Variants in FGD3 observed in about 807,000 individuals in gnomAD.
FGD3 encodes FYVE, RhoGEF and PH domain-containing protein 3.
Under a neutral mutation model 71.8 loss-of-function variants are expected in FGD3, and 45 were observed. The observed-to-expected ratio is 0.63, with a 90% CI of 0.49 to 0.80. The LOEUF (loss-of-function observed/expected upper bound fraction) is 0.80, where lower values mean the gene tolerates loss of function less well. Ranked by LOEUF, FGD3 falls within the 30% of genes least tolerant of loss-of-function variation. The probability of loss-of-function intolerance (pLI) is 0.00; values close to 1 mark genes in which losing one functional copy is unlikely to be tolerated. For synonymous variants in FGD3, 378 were observed against 392.8 expected, an observed-to-expected ratio of 0.96 and a Z score of 0.44; for missense variants, 844 against 951.5, an observed-to-expected ratio of 0.89 and a Z score of 1.49.
In FGD3 at chr9:92,980,682, G is replaced by A. The variant is rs1418161182; in HGVS notation, c.453+3973G>A. 4.6e-5 allele frequency among the ~76,000 whole-genome samples: 7 copies of A among 151,880 alleles called. No individual in the cohort carries two copies. The East Asian group carries it at 1.4e-3, about 29-fold the overall frequency. On this transcript the variant is annotated intron_variant, in intron 3 of 17. Coordinates refer to ENST00000375482, the MANE Select transcript of FGD3 (RefSeq NM_001083536.2). ...TTATCCATTGGTTGTTTAAGAATGT[G>A]TTGTTTAGGCCAGGTGCGGTGGCTC...
chr9:93,011,934 G>T (rs183052980), intron 8 of FGD3, among the ~76,000 whole-genome samples: 2,005 of 151,710 alleles, frequency 0.013, 48 homozygotes, highest in African/African-American at 0.046. Flanking sequence ...CGAGGCGGGT[G>T]GATCATGAGG....
rs1196636245 is a variant in FGD3, at chr9:92,976,608, C to T, written c.352C>T (p.Pro118Ser). Residue 118 changes from proline to serine, a missense_variant, in exon 3 of 18, where the codon CCG becomes TCG. By Grantham distance (74) the Pro-to-Ser change is moderately conservative. Coordinates refer to ENST00000375482, the MANE Select transcript of FGD3 (RefSeq NM_001083536.2). ...HAEMALDSQV[P>S]KVTPQEEADS... ...AGAGATGGCCCTGGACAGCCAGGTC[C>T]CGAAGGTCACCCCCCAGGAGGAGGC... 2 of 1,612,802 alleles carry T rather than the reference C, an allele frequency of 1.2e-6. No homozygotes were observed. Among genetic ancestry groups the T allele is most frequent in the Non-Finnish European group, 1.7e-6 (2 of 1,179,904 alleles).
intron 1 of FGD3, among the ~76,000 whole-genome samples, chr9:92,970,792 CGTTT>C (rs1564144227): frequency 6.6e-6 from 1 of 152,100 alleles, no homozygotes; most frequent in African/African-American, 2.4e-5. Flanking sequence ...TGCACATGTG[CGTTT>C]GTTTATGCAT....
At chr9:93,016,270 T>A (rs1353306613) in intron 10 of FGD3, among the ~76,000 whole-genome samples, 13 of 151,392 alleles carry the variant, frequency 8.6e-5, no homozygotes, top group Admixed American at 5.9e-4. Flanking sequence ...CTCTTTCCTG[T>A]CCTCCTGCAC....
chr9:92,987,069 T>G (rs1054519630), intron 3 of FGD3, among the ~76,000 whole-genome samples: 1 of 152,184 alleles, frequency 6.6e-6, no homozygotes, highest in Non-Finnish European at 1.5e-5. Flanking sequence ...ACAAGCCATT[T>G]CAGAACACAC....
At chr9:92,988,749 T>G (rs1201435900) in intron 3 of FGD3, among the ~76,000 whole-genome samples, 2 of 152,216 alleles carry the variant, frequency 1.3e-5, no homozygotes, top group Non-Finnish European at 2.9e-5. Context: ...ATTCTTGCCT[T>G]TCCCTGAGGG....
chr9:92,957,047 T>C (rs569234789), intron 1 of FGD3, among the ~76,000 whole-genome samples: 1 of 152,174 alleles, frequency 6.6e-6, no homozygotes, highest in Non-Finnish European at 1.5e-5. Context: ...TATTGCTGGA[T>C]CCTGTTCCAT....
chr9:92,968,610 T>TC (rs1364929112), intron 1 of FGD3, among the ~76,000 whole-genome samples: 1 of 148,856 alleles, frequency 6.7e-6, no homozygotes, highest in African/African-American at 2.5e-5. Context: ...TTTCTTTCTT[T>TC]TTTTTTTTTT....
Position 92,976,286 on chromosome 9 carries a change from T to C in FGD3, c.30T>C (p.Pro10=). The change falls in exon 3 of 18, where the codon CCT becomes CCC. Residue 10 remains proline (P), a synonymous_variant. Coordinates refer to ENST00000375482, the MANE Select transcript of FGD3 (RefSeq NM_001083536.2). MESGRGSST[P]PGPIAALGMP... Reference sequence around the variant, plus strand: ...AGTCAGGCAGGGGGTCCTCAACCCCTCCAGGACCCATTGCTGCCCTAGGGA... The same window carrying C: ...AGTCAGGCAGGGGGTCCTCAACCCCCCCAGGACCCATTGCTGCCCTAGGGA... 1 of 1,607,426 alleles carries C rather than the reference T, an allele frequency of 6.2e-7. No homozygotes were observed. Among genetic ancestry groups the C allele is most frequent in the Non-Finnish European group, 8.5e-7 (1 of 1,176,152 alleles).
chr9:92,969,857 C>T lies in FGD3; in HGVS notation c.-217-5381C>T, dbSNP rs936294656. ...CTCACTGGCTGCTGTGATGGAGACA[C>T]ATGAACAGTTCTAGGACACCCTGGA... On this transcript the variant is annotated intron_variant, in intron 1 of 17. Coordinates refer to ENST00000375482, the MANE Select transcript of FGD3 (RefSeq NM_001083536.2). The surrounding 1 kb of genome is among the most constrained non-coding windows in gnomAD (Gnocchi z 4.5). Among the ~76,000 whole-genome samples the T allele has an allele frequency of 6.6e-6, 1 of 152,202 alleles. No individual in the cohort carries two copies. The highest frequency in any genetic ancestry group is 2.4e-5 in the African/African-American group (1 of 41,442).
rs189715771 is a variant in FGD3 at position 93,018,224 on chromosome 9, C to T, written c.1355+9C>T. ...CTGGAGCTGCAGACGCGGTATGGAA[C>T]GGGCTGTTTCTAGTGAATGTCTTTG... On this transcript the variant is annotated intron_variant, in intron 11 of 17. Transcript: ENST00000375482. 6.5e-5 allele frequency: 105 copies of T among 1,610,978 alleles called. No individual in the cohort carries two copies. Among genetic ancestry groups the T allele is most frequent in the Admixed American group, 1.0e-4 (6 of 59,942 alleles).
chr9:92,989,631 G>A lies in FGD3; in HGVS notation c.453+12922G>A, dbSNP rs2118640402. Among the ~76,000 whole-genome samples the A allele has an allele frequency of 2.6e-5, 4 of 152,336 alleles. No individual in the cohort carries two copies. The Middle Eastern group carries it at 0.01, about 389-fold the overall frequency. On this transcript the variant is annotated intron_variant, in intron 3 of 17. Transcript: ENST00000375482. ...TTAAAGGGGAAAAGTGGGCTGGAGG[G>A]GAGAAAGGGAAGGTATGTTAATCCA...
intron 3 of FGD3, among the ~76,000 whole-genome samples, chr9:92,992,419 T>G (rs1043615588): frequency 6.6e-6 from 1 of 152,256 alleles, no homozygotes; most frequent in Non-Finnish European, 1.5e-5. Flanking sequence ...ACTGGTCTAG[T>G]GGTGATGAAT....
chr9:93,012,872 T>A (rs887576324), intron 8 of FGD3, among the ~76,000 whole-genome samples: 2 of 148,970 alleles, frequency 1.3e-5, no homozygotes, highest in African/African-American at 5.0e-5. Context: ...CACCCAGCCC[T>A]CTTAGTGCAC....
intron 3 of FGD3, among the ~76,000 whole-genome samples, chr9:92,991,338 C>T (rs1283936345): frequency 2.6e-5 from 4 of 152,188 alleles, no homozygotes; most frequent in African/African-American, 9.7e-5. Flanking sequence ...CTTGGCCTCA[C>T]AAAGTGCTGG....
In FGD3 at chr9:93,003,021, C is replaced by T. The variant is rs946474677; in HGVS notation, c.543+7C>T. ...GCTGCACCTGCTGGACCAGGTAGCC[C>T]ACATGGCTTGGGGGCAGTTTCAGTA... On this transcript the variant is annotated splice_region_variant and intron_variant, in intron 4 of 17. Transcript: ENST00000375482. The surrounding 1 kb of genome is among the most constrained non-coding windows in gnomAD (Gnocchi z 4.1). 1 of 1,614,000 alleles carries T rather than the reference C, an allele frequency of 6.2e-7. No homozygotes were observed. Among genetic ancestry groups the T allele is most frequent in the Non-Finnish European group, 8.5e-7 (1 of 1,179,920 alleles).
chr9:93,019,960 C>A, intron 12 of FGD3, 99 bp downstream of exon 12: 1 of 1,266,338 alleles, frequency 7.9e-7, no homozygotes, highest in Non-Finnish European at 1.2e-6. Flanking sequence ...GCCTCCGGGA[C>A]TGCTGGCCCT....
chr9:92,966,018 C>A (rs752178069), intron 1 of FGD3, among the ~76,000 whole-genome samples: 6 of 152,190 alleles, frequency 3.9e-5, no homozygotes, highest in Non-Finnish European at 8.8e-5. Context: ...CACTGTGGTG[C>A]CTGCCTGTCC....
At chr9:93,006,233 CTGG>C in intron 6 of FGD3, 53 bp downstream of exon 6, 3 of 1,447,778 alleles carry the variant, frequency 2.1e-6, no homozygotes, top group East Asian at 2.4e-5. Flanking sequence ...TGCACAGAGC[CTGG>C]TGTTTTATTT....
Sources: gnomAD v4.1 joint callset for allele counts (sites outside exome capture counted in the v4.1 genomes callset) on GRCh38, gnomAD v4.1.1 for gene constraint, Gnocchi (gnomAD v3.1) non-coding constraint, MANE v1.5 for transcripts, NCBI Gene and HGNC (gene_info 2026-07-23, HGNC 2026-07-21) for gene names.